Variants in BMPR2 observed in about 807,000 individuals in gnomAD.
BMPR2 encodes bone morphogenetic protein receptor type-2.
In BMPR2, 29 loss-of-function variants were observed where a neutral mutation model predicts 100.8. The observed-to-expected ratio is 0.29, with a 90% CI of 0.21 to 0.39. The LOEUF (loss-of-function observed/expected upper bound fraction) is 0.39. BMPR2 is among the 10% of genes least tolerant of loss of function. BMPR2 has a pLI of 1.00. For missense variants in BMPR2, 1,011 were observed against 1,274.5 expected, an observed-to-expected ratio of 0.79 and a Z score of 3.15; for synonymous variants, 382 against 442.3, an observed-to-expected ratio of 0.86 and a Z score of 1.71.
chr2:202,416,100 A>G (rs1691120079), intron 1 of BMPR2, among the ~76,000 whole-genome samples: 1 of 152,174 alleles, frequency 6.6e-6, no homozygotes. Flanking sequence ...ATTTGGAAGA[A>G]GTTGATTCCA....
Position 202,555,332 on chromosome 2 carries a change from T to C in BMPR2, c.1667T>C (p.Ile556Thr). The C allele has an allele frequency of 1.2e-6, 2 of 1,614,136 alleles. No homozygotes were observed. Among genetic ancestry groups the C allele is most frequent in the Non-Finnish European group, 1.7e-6 (2 of 1,179,976 alleles). Residue 556 changes from isoleucine (I) to threonine (T), a missense_variant, in exon 12 of 13, where the codon ATC (isoleucine) becomes ACC (threonine). By Grantham distance (89) the Ile-to-Thr change is moderately conservative. Coordinates refer to ENST00000374580, the MANE Select transcript of BMPR2 (RefSeq NM_001204.7). The stretch of plus-strand genomic sequence containing the variant: ...TCCTCCTCATACATTGAAGACTCTA[T>C]CCATCATACTGACAGCATCGTGAAG... ...YSSSSYIEDS[I>T]HHTDSIVKNI...
At chr2:202,429,948 G>A (rs1159632099) in intron 1 of BMPR2, among the ~76,000 whole-genome samples, 2 of 152,056 alleles carry the variant, frequency 1.3e-5, no homozygotes, top group Non-Finnish European at 2.9e-5. Flanking sequence ...ATTTGGGTGG[G>A]GACACAGAGC....
At chr2:202,535,011 C>T (rs1400285413) in intron 9 of BMPR2, among the ~76,000 whole-genome samples, 5 of 143,358 alleles carry the variant, frequency 3.5e-5, no homozygotes, top group African/African-American at 7.8e-5. Flanking sequence ...CCCTCCCGGA[C>T]GGGTCGGCTG....
At chr2:202,469,555 C>A (rs760047722) in intron 3 of BMPR2, 2 of 281,356 alleles carry the variant, frequency 7.1e-6, no homozygotes, top group South Asian at 6.3e-5. Flanking sequence ...TCCCGGCTCA[C>A]TGCAACGTCC....
chr2:202,508,742 G>T (rs1415655933), intron 3 of BMPR2, among the ~76,000 whole-genome samples: 1 of 152,184 alleles, frequency 6.6e-6, no homozygotes. Context: ...GTATATAGTA[G>T]TAAGTTTTTT....
At chr2:202,470,620 C>T (rs532144174) in intron 3 of BMPR2, among the ~76,000 whole-genome samples, 48 of 151,664 alleles carry the variant, frequency 3.2e-4, no homozygotes, top group African/African-American at 1.0e-3. Context: ...AAAAATTAGC[C>T]GGGCGCGGTG....
At chr2:202,552,660 C>T (rs1688500668) in intron 10 of BMPR2, 56 bp from the exon 11 acceptor site, 1 of 1,576,650 alleles carries the variant, frequency 6.3e-7, no homozygotes, top group Non-Finnish European at 8.7e-7. Flanking sequence ...AACTGAAAAG[C>T]TCAATACATT....
chr2:202,545,331 G>A (rs1168056725), intron 10 of BMPR2, among the ~76,000 whole-genome samples: 1 of 128,490 alleles, frequency 7.8e-6, no homozygotes, highest in African/African-American at 2.9e-5. Context: ...ATTCATTAAA[G>A]TTTTAGCTTC....
chr2:202,409,346 AAAATATATATAT>A (rs1423380694), intron 1 of BMPR2, among the ~76,000 whole-genome samples: 2 of 152,138 alleles, frequency 1.3e-5, no homozygotes, highest in Non-Finnish European at 2.9e-5. Context: ...ACTCTGTCTC[AAAATATATATAT>A]AAGATTACAC....
At chr2:202,513,914 A>G in intron 4 of BMPR2, 85 bp downstream of exon 4, 1 of 1,077,828 alleles carries the variant, frequency 9.3e-7, no homozygotes, top group South Asian at 1.3e-5. Context: ...CCGTATGTTA[A>G]AAAAAATAGT....
chr2:202,515,462 T>C (rs1348485901), intron 5 of BMPR2, among the ~76,000 whole-genome samples: 1 of 150,636 alleles, frequency 6.6e-6, no homozygotes, highest in Non-Finnish European at 1.5e-5. Context: ...TCCCAGCTAC[T>C]CAGGAGGCTG....
At chr2:202,543,568 G>T (rs1688322440) in intron 10 of BMPR2, among the ~76,000 whole-genome samples, 1 of 151,584 alleles carries the variant, frequency 6.6e-6, no homozygotes, top group South Asian at 2.1e-4. Flanking sequence ...TATTAAAAAG[G>T]AAAAAACTAC....
intron 3 of BMPR2, among the ~76,000 whole-genome samples, chr2:202,490,480 A>G (rs1268097182): frequency 3.3e-5 from 5 of 152,232 alleles, no homozygotes; most frequent in Admixed American, 3.3e-4. Context: ...AATGAAAATA[A>G]GTTCTTTGCA....
chr2:202,441,142 G>C lies in BMPR2; in HGVS notation c.77-23667G>C, dbSNP rs189075293. Reference sequence around the variant, plus strand: ...ACTACAGGCGCATGCTGCCACACCTGGTTAATTTTTTGTATTTTAGTGGAG... The same window carrying C: ...ACTACAGGCGCATGCTGCCACACCTCGTTAATTTTTTGTATTTTAGTGGAG... On this transcript the variant is annotated intron_variant, in intron 1 of 12. Coordinates refer to ENST00000374580, the MANE Select transcript of BMPR2 (RefSeq NM_001204.7). Among the ~76,000 whole-genome samples, 106 of 149,766 alleles carry C rather than the reference G, an allele frequency of 7.1e-4. 8 individuals are homozygous for C. The highest frequency in any genetic ancestry group is 2.4e-3 in the African/African-American group (96 of 39,376).
At chr2:202,534,219 GTGTATA>G (rs1419773766) in intron 9 of BMPR2, among the ~76,000 whole-genome samples, 6 of 135,790 alleles carry the variant, frequency 4.4e-5, no homozygotes, top group African/African-American at 8.4e-5. Context: ...TCGTGTGTGT[GTGTATA>G]TATATATATA....
chr2:202,428,617 G>C (rs905399362), intron 1 of BMPR2, among the ~76,000 whole-genome samples: 7 of 151,916 alleles, frequency 4.6e-5, no homozygotes, highest in African/African-American at 1.7e-4. Flanking sequence ...TGTGTTGCCA[G>C]ACTGGTCCTG....
At chr2:202,447,333 A>G (rs1333197629) in intron 1 of BMPR2, among the ~76,000 whole-genome samples, 1 of 150,344 alleles carries the variant, frequency 6.7e-6, no homozygotes, top group African/African-American at 2.5e-5. Context: ...ACAATTTTTC[A>G]TGACTGCATA....
intron 1 of BMPR2, among the ~76,000 whole-genome samples, chr2:202,450,353 A>C (rs1396075766): frequency 2.0e-5 from 3 of 152,210 alleles, no homozygotes; most frequent in African/African-American, 7.2e-5. Flanking sequence ...ATGTAAATTA[A>C]GGGATGAATA....
chr2:202,431,544 A>C (rs1206163860), intron 1 of BMPR2, among the ~76,000 whole-genome samples: 2 of 150,672 alleles, frequency 1.3e-5, no homozygotes, highest in African/African-American at 5.0e-5. Flanking sequence ...TTTTTGGTCA[A>C]CAGCAGACCT....
Sources: allele counts gnomAD v4.1 joint callset (sites outside exome capture counted in the v4.1 genomes callset), GRCh38; gene constraint gnomAD v4.1.1; transcripts MANE v1.5; gene names NCBI Gene and HGNC (gene_info 2026-07-23, HGNC 2026-07-21).